INSL6: variants seen among roughly 807,000 people sequenced by gnomAD.
INSL6 encodes the protein insulin-like peptide INSL6.
INSL6 carries 16 observed loss-of-function variants against 9.4 expected under a neutral mutation model. The ratio of observed to expected loss-of-function variants is 1.70; its 90% CI spans 1.15 to 2.59. The LOEUF (loss-of-function observed/expected upper bound fraction) is 2.59. Ranked by LOEUF, INSL6 falls within the 30% of genes most tolerant of loss-of-function variation. The pLI is 0.00. For synonymous variants in INSL6, 154 were observed against 96.9 expected, an observed-to-expected ratio of 1.59 and a Z score of -3.46; for missense variants, 391 against 257.3, an observed-to-expected ratio of 1.52 and a Z score of -3.56.
chr9:5,109,370 T>G, the INSL6 span: 1 of 152,152 alleles, frequency 6.6e-6, no homozygotes, highest in Non-Finnish European at 1.5e-5. Context: ...ACCAAGAAAG[T>G]ATGCAAGAAC....
At chr9:5,111,225 C>T in the INSL6 span, 2 of 311,860 alleles carry the variant, frequency 6.4e-6, no homozygotes, top group Non-Finnish European at 5.7e-6. Context: ...GCAGCTAGCG[C>T]GGGCCTATTC....
intron 3 of INSL6, among the ~76,000 whole-genome samples, chr9:5,128,555 G>A (rs74449934): frequency 0.086 from 13,071 of 151,720 alleles, 1,733 homozygotes; most frequent in African/African-American, 0.29. Flanking sequence ...TTCTTATCAA[G>A]GGTCTCTAAC....
the INSL6 span, among the ~76,000 whole-genome samples, chr9:4,995,890 A>T: frequency 6.6e-6 from 1 of 151,794 alleles, no homozygotes; most frequent in East Asian, 1.9e-4. Flanking sequence ...TATTTTTTGT[A>T]CTTACTGAAT....
At chr9:5,101,219 A>G in the INSL6 span, among the ~76,000 whole-genome samples, 2 of 152,240 alleles carry the variant, frequency 1.3e-5, no homozygotes, top group East Asian at 3.8e-4. Flanking sequence ...ATGGCACACC[A>G]GGAGATTATA....
the INSL6 span, among the ~76,000 whole-genome samples, chr9:5,026,673 A>G: frequency 6.6e-6 from 1 of 152,098 alleles, no homozygotes; most frequent in South Asian, 2.1e-4. Context: ...ACTTCTAAAG[A>G]CTTGTTTTGA....
chr9:5,111,005 ACGGGAAGG>A, the INSL6 span: 1 of 720,340 alleles, frequency 1.4e-6, no homozygotes, highest in Non-Finnish European at 2.4e-6. Flanking sequence ...CCCGTTGCCA[ACGGGAAGG>A]GCCGGCCCGC....
intron 3 of INSL6, chr9:5,127,907 C>T (rs1193118266): frequency 8.6e-6 from 2 of 232,120 alleles, no homozygotes; most frequent in East Asian, 6.0e-5. Context: ...AAAAAGTATG[C>T]TTGTTAATTT....
chr9:5,056,177 A>G, the INSL6 span, among the ~76,000 whole-genome samples: 1 of 152,104 alleles, frequency 6.6e-6, no homozygotes, highest in African/African-American at 2.4e-5. Flanking sequence ...AAATAAATCA[A>G]TGATGTCTGG....
chr9:5,075,885 A>G, the INSL6 span, among the ~76,000 whole-genome samples: 3 of 152,244 alleles, frequency 2.0e-5, no homozygotes, highest in Non-Finnish European at 4.4e-5. Flanking sequence ...TCACCATTCT[A>G]GATGCCAGGA....
the INSL6 span, chr9:5,111,411 C>T: frequency 5.0e-5 from 20 of 401,958 alleles, no homozygotes; most frequent in South Asian, 7.9e-5. Flanking sequence ...GGCCTGGACA[C>T]GCAGCCCACG....
the INSL6 span, among the ~76,000 whole-genome samples, chr9:5,118,684 G>A: frequency 5.3e-5 from 8 of 152,182 alleles, no homozygotes; most frequent in Non-Finnish European, 8.8e-5. Flanking sequence ...ACTTGTTTGT[G>A]TAAGTGAGTG....
chr9:5,050,912 A>T, the INSL6 span: 4 of 1,222,758 alleles, frequency 3.3e-6, no homozygotes, highest in Admixed American at 2.2e-5. Context: ...GTGTTTACCC[A>T]TGCCTTTTGA....
At chr9:5,181,158 G>A (rs1421393426) in intron 1 of INSL6, among the ~76,000 whole-genome samples, 1 of 152,024 alleles carries the variant, frequency 6.6e-6, no homozygotes, top group Non-Finnish European at 1.5e-5. Flanking sequence ...ATTCCATGTG[G>A]ACTTTTAAAA....
At chr9:4,992,352 C>T in the INSL6 span, among the ~76,000 whole-genome samples, 2 of 152,282 alleles carry the variant, frequency 1.3e-5, no homozygotes, top group East Asian at 3.9e-4. Context: ...TTGGTAGCTG[C>T]ACAGTATAAC....
At chr9:5,002,880 T>A in the INSL6 span, among the ~76,000 whole-genome samples, 1 of 152,022 alleles carries the variant, frequency 6.6e-6, no homozygotes, top group African/African-American at 2.4e-5. Context: ...CACATTGGTC[T>A]GTTTTCCATC....
intron 2 of INSL6, among the ~76,000 whole-genome samples, chr9:5,135,307 C>G (rs542669077): frequency 1.3e-4 from 20 of 152,142 alleles, no homozygotes; most frequent in African/African-American, 3.6e-4. Flanking sequence ...ATATCCAGGA[C>G]TTGAACTCAG....
chr9:5,061,046 T>C, the INSL6 span, among the ~76,000 whole-genome samples: 1 of 152,236 alleles, frequency 6.6e-6, no homozygotes, highest in African/African-American at 2.4e-5. Flanking sequence ...AATCTTTTTT[T>C]CTGAGCAGAT....
the INSL6 span, chr9:5,041,359 C>A: frequency 1.6e-6 from 1 of 629,108 alleles, no homozygotes; most frequent in East Asian, 2.9e-5. Context: ...GCTACATGAG[C>A]ATCAACATGC....
the INSL6 span, among the ~76,000 whole-genome samples, chr9:5,107,171 A>C: frequency 2.0e-5 from 3 of 152,286 alleles, no homozygotes; most frequent in Admixed American, 6.5e-5. Flanking sequence ...TTTAGTATAA[A>C]GAGTACCATT....
Sources: allele counts gnomAD v4.1 joint callset (sites outside exome capture counted in the v4.1 genomes callset), GRCh38; gene constraint gnomAD v4.1.1; transcripts MANE v1.5; gene names NCBI Gene and HGNC (gene_info 2026-07-23, HGNC 2026-07-21).